Variants in NEK7 observed in about 807,000 individuals in gnomAD.
NEK7 encodes serine/threonine-protein kinase Nek7.
Under a neutral mutation model 44.6 loss-of-function variants are expected in NEK7, and 18 were observed. The observed-to-expected ratio is 0.40, with a 90% CI of 0.28 to 0.60. The LOEUF is 0.60. Among genes scored for constraint, NEK7 ranks in the 20% least tolerant of loss-of-function variants. The probability of loss-of-function intolerance (pLI) is 0.38; values close to 1 mark genes in which losing one functional copy is unlikely to be tolerated. For synonymous variants in NEK7, 130 were observed against 121.1 expected (o/e 1.07, Z -0.48); for missense variants, 256 against 366.5 (o/e 0.70, Z 2.46).
intron 1 of NEK7, among the ~76,000 whole-genome samples, chr1:198,168,424 T>C (rs191368029): frequency 6.6e-6 from 1 of 152,338 alleles, no homozygotes; most frequent in Non-Finnish European, 1.5e-5. Flanking sequence ...TTGTGGGTTG[T>C]CATCCCCAGA....
chr1:198,242,216 C>T (rs1367969899), intron 2 of NEK7, among the ~76,000 whole-genome samples: 3 of 152,088 alleles, frequency 2.0e-5, no homozygotes, highest in Non-Finnish European at 4.4e-5. Flanking sequence ...CTCCCTGCTT[C>T]CATTCTTGCT....
chr1:198,285,842 T>G (rs1287278588), intron 7 of NEK7, among the ~76,000 whole-genome samples: 3 of 152,130 alleles, frequency 2.0e-5, no homozygotes, highest in Admixed American at 2.0e-4. Flanking sequence ...TACTTGTTTA[T>G]TTTTGTGACA....
chr1:198,280,967 C>T (rs773995190), intron 7 of NEK7, among the ~76,000 whole-genome samples: 1 of 151,276 alleles, frequency 6.6e-6, no homozygotes, highest in Non-Finnish European at 1.5e-5. Context: ...AAAAATATAT[C>T]CTTAAAATAA....
At chr1:198,198,324 G>A (rs1571523543) in intron 1 of NEK7, 2 of 360,978 alleles carry the variant, frequency 5.5e-6, no homozygotes, top group African/African-American at 2.1e-5. Flanking sequence ...CACTGTGGAA[G>A]CTTTCCTTGG....
intron 1 of NEK7, among the ~76,000 whole-genome samples, chr1:198,219,185 A>G (rs1666013142): frequency 6.6e-6 from 1 of 151,616 alleles, no homozygotes; most frequent in African/African-American, 2.4e-5. Flanking sequence ...ATGAATGGAT[A>G]AAGAAAATAT....
intron 2 of NEK7, 90 bp downstream of exon 2, chr1:198,232,727 A>G (rs1277553980): frequency 2.8e-6 from 2 of 714,924 alleles, no homozygotes; most frequent in African/African-American, 3.7e-5. Context: ...TCCTTTAGGA[A>G]ATAAAGTAGC....
Position 198,256,561 on chromosome 1 carries a change from CCTT to C in NEK7, c.198+3386_198+3388del, listed in dbSNP as rs765209376. On this transcript the variant is annotated intron_variant, in intron 3 of 9. Coordinates refer to ENST00000367385, the MANE Select transcript of NEK7 (RefSeq NM_133494.3). ...CTTTGCTTTTCTTTCTCTCTTGCCT[CCTT>C]CTTCAGTGCTTCCCTTCCTGCTGAT... 2.2e-5 allele frequency: 31 copies of C among 1,438,264 alleles called. No homozygotes were observed. In the East Asian group the frequency reaches 3.6e-4, roughly 17 times the overall value. The allele number at this position is 1,438,264 out of a possible 1,614,324, so 89.1% of individuals were successfully genotyped here. A position where few individuals can be genotyped will look rare whatever the true frequency, so the allele number is the denominator to read the frequency against.
intron 5 of NEK7, among the ~76,000 whole-genome samples, chr1:198,277,537 G>T (rs1324091588): frequency 6.6e-6 from 1 of 151,718 alleles, no homozygotes; most frequent in Non-Finnish European, 1.5e-5. Flanking sequence ...CACCAGGGTG[G>T]TTCAATATTT....
At chr1:198,279,621 T>C (rs1298147472) in intron 7 of NEK7, among the ~76,000 whole-genome samples, 1 of 151,918 alleles carries the variant, frequency 6.6e-6, no homozygotes, top group Non-Finnish European at 1.5e-5. Flanking sequence ...CAGAATTAAG[T>C]AAAAGTTATG....
At chr1:198,246,397 G>A (rs1315255628) in intron 2 of NEK7, among the ~76,000 whole-genome samples, 4 of 152,186 alleles carry the variant, frequency 2.6e-5, no homozygotes, top group African/African-American at 4.8e-5. Flanking sequence ...AAAAGGTGCC[G>A]CAAATGGGCT....
intron 8 of NEK7, 63 bp downstream of exon 8, chr1:198,293,102 T>C: frequency 3.5e-6 from 3 of 857,100 alleles, no homozygotes; most frequent in Non-Finnish European, 5.8e-6. Context: ...TCCTCTATCC[T>C]TATAGTATAT....
At chr1:198,230,390 TC>T (rs1270309433) in intron 1 of NEK7, among the ~76,000 whole-genome samples, 1 of 151,986 alleles carries the variant, frequency 6.6e-6, no homozygotes, top group African/African-American at 2.4e-5. Context: ...CAAAATTGAA[TC>T]AATATAATTC....
At chr1:198,248,931 G>A (rs569339838) in intron 2 of NEK7, among the ~76,000 whole-genome samples, 67 of 151,736 alleles carry the variant, frequency 4.4e-4, no homozygotes, top group Admixed American at 7.9e-4. Flanking sequence ...GGGTACATGT[G>A]CACAATGTGC....
At chr1:198,262,539 ATTATT>A in intron 3 of NEK7, 31 bp from the exon 4 acceptor site, 1 of 1,303,010 alleles carries the variant, frequency 7.7e-7, no homozygotes, top group Non-Finnish European at 1.1e-6. Flanking sequence ...ACCATAGGTT[ATTATT>A]TTATTAAGTA....
intron 1 of NEK7, among the ~76,000 whole-genome samples, chr1:198,161,834 A>G (rs1664115292): frequency 6.6e-6 from 1 of 152,034 alleles, no homozygotes; most frequent in Non-Finnish European, 1.5e-5. Context: ...GAAAACTACT[A>G]GACAAAGAAA....
At chr1:198,315,406 T>G (rs1005560252) in intron 9 of NEK7, among the ~76,000 whole-genome samples, 1 of 152,210 alleles carries the variant, frequency 6.6e-6, no homozygotes, top group Non-Finnish European at 1.5e-5. Flanking sequence ...CTGCGTCGCT[T>G]ACGCTGGGAG....
At chr1:198,252,668 TA>T (rs1397423044) in intron 2 of NEK7, among the ~76,000 whole-genome samples, 16 of 131,912 alleles carry the variant, frequency 1.2e-4, no homozygotes, top group Non-Finnish European at 1.2e-4. Flanking sequence ...GTTTATATAT[TA>T]AAACATATGT....
At chr1:198,269,994 G>T (rs1284102436) in intron 5 of NEK7, among the ~76,000 whole-genome samples, 1 of 151,884 alleles carries the variant, frequency 6.6e-6, no homozygotes, top group African/African-American at 2.4e-5. Flanking sequence ...TTTCTTTATT[G>T]TAGTTAAATT....
intron 1 of NEK7, among the ~76,000 whole-genome samples, chr1:198,180,039 G>A (rs1664717203): frequency 6.6e-6 from 1 of 152,080 alleles, no homozygotes; most frequent in African/African-American, 2.4e-5. Context: ...GATATCTGTG[G>A]AAACTTTTTG....
Sources: allele counts gnomAD v4.1 joint callset (sites outside exome capture counted in the v4.1 genomes callset), GRCh38; gene constraint gnomAD v4.1.1; transcripts MANE v1.5; gene names NCBI Gene and HGNC (gene_info 2026-07-23, HGNC 2026-07-21).